The following STS variants were observed in gnomAD, a reference collection of about 807,000 sequenced individuals.
STS encodes the protein steryl-sulfatase.
A neutral mutation model predicts 26.8 loss-of-function variants in STS; 7 were observed. That is an observed-to-expected ratio of 0.26 (90% CI 0.15 to 0.49). STS has a LOEUF of 0.49. Ranked by LOEUF, STS falls within the 20% of genes least tolerant of loss-of-function variation. The pLI, the probability that STS is intolerant of heterozygous loss-of-function variation, is 0.98. For synonymous variants in STS, 199 were observed against 189.4 expected, an observed-to-expected ratio of 1.05 and a Z score of -0.42; for missense variants, 434 against 465.6, an observed-to-expected ratio of 0.93 and a Z score of 0.63.
chrX:7,284,177 G>A (rs1925013789), intron 7 of STS, among the ~76,000 whole-genome samples: 2 of 111,862 alleles, frequency 1.8e-5, no homozygotes, highest in African/African-American at 6.5e-5. Flanking sequence ...AACCATTATG[G>A]ACTGCTCATT....
At chrX:7,150,500 C>T (rs185383470) in intron 1 of STS, among the ~76,000 whole-genome samples, 8 of 111,526 alleles carry the variant, frequency 7.2e-5, no homozygotes, top group East Asian at 5.7e-4. Flanking sequence ...GAATTACAGA[C>T]GTGAGCCACC....
chrX:7,278,593 C>T (rs1305036229), intron 7 of STS, among the ~76,000 whole-genome samples: 1 of 112,290 alleles, frequency 8.9e-6, no homozygotes, highest in East Asian at 2.8e-4. Context: ...TTATTCTTAG[C>T]TGAGTGAGTG....
At chrX:7,240,954 C>G (rs1296011538) in intron 2 of STS, among the ~76,000 whole-genome samples, 1 of 111,112 alleles carries the variant, frequency 9.0e-6, no homozygotes, top group Non-Finnish European at 1.9e-5. Flanking sequence ...TTCATCACTT[C>G]TGGATAAAGA....
chrX:7,340,276 G>A (rs1028130397), intron 10 of STS, among the ~76,000 whole-genome samples: 1 of 111,101 alleles, frequency 9.0e-6, no homozygotes, highest in Non-Finnish European at 1.9e-5. Context: ...CAGTTCTCCC[G>A]AAATGTCTGC....
chrX:7,216,021 A>G (rs750352374), intron 2 of STS, among the ~76,000 whole-genome samples: 1 of 112,162 alleles, frequency 8.9e-6, no homozygotes, highest in South Asian at 3.7e-4. Flanking sequence ...TCCACAGCAG[A>G]GGAACCAGAG....
At chrX:7,310,689 A>G (rs981282488) in intron 8 of STS, among the ~76,000 whole-genome samples, 8 of 111,118 alleles carry the variant, frequency 7.2e-5, no homozygotes, top group African/African-American at 1.6e-4. Flanking sequence ...CACCTGATCC[A>G]CCTCTCAATG....
At chrX:7,147,681 A>G (rs1265890169), upstream of STS, among the ~76,000 whole-genome samples, 1 of 112,080 alleles carries the variant, frequency 8.9e-6, no homozygotes, top group Non-Finnish European at 1.9e-5. Context: ...TGCGTAACCG[A>G]AAAGAGAGCG....
intron 2 of STS, among the ~76,000 whole-genome samples, chrX:7,205,562 G>C (rs1934199902): frequency 9.1e-6 from 1 of 109,515 alleles, no homozygotes; most frequent in Non-Finnish European, 1.9e-5. Context: ...GTATAAAACT[G>C]TAGGTTGGAA....
intron 8 of STS, among the ~76,000 whole-genome samples, chrX:7,309,212 T>TA (rs1378030900): frequency 1.8e-5 from 2 of 111,603 alleles, no homozygotes; most frequent in Admixed American, 9.5e-5. Flanking sequence ...TGTGAAGCCA[T>TA]AAAAAAGAAT....
intron 2 of STS, among the ~76,000 whole-genome samples, chrX:7,231,654 A>C (rs1395255500): frequency 1.8e-5 from 2 of 111,162 alleles, no homozygotes; most frequent in Non-Finnish European, 3.8e-5. Context: ...GAAAATTGCA[A>C]GTTATCTCAC....
At chrX:7,258,105 C>CAGATAG (rs370192237) in intron 5 of STS, among the ~76,000 whole-genome samples, 4 of 92,690 alleles carry the variant, frequency 4.3e-5, no homozygotes, top group African/African-American at 1.6e-4. Context: ...GAAAAACAGA[C>CAGATAG]ATAGATAGAT....
chrX:7,314,848 A>G (rs1926643931), intron 8 of STS, among the ~76,000 whole-genome samples: 2 of 112,199 alleles, frequency 1.8e-5, no homozygotes, highest in South Asian at 7.3e-4. Context: ...GGATGTGGCC[A>G]CGGTGGGTAA....
chrX:7,312,168 A>C (rs990164041), intron 8 of STS, among the ~76,000 whole-genome samples: 1 of 111,330 alleles, frequency 9.0e-6, no homozygotes, highest in African/African-American at 3.3e-5. Context: ...CAACCCCTTC[A>C]TCTTGTTCCC....
chrX:7,197,893 A>T (rs1465815173), intron 2 of STS, among the ~76,000 whole-genome samples: 1 of 111,936 alleles, frequency 8.9e-6, no homozygotes, highest in Non-Finnish European at 1.9e-5. Flanking sequence ...GCCTTAGTAG[A>T]TGTTTAGTAA....
chrX:7,289,677 G>A (rs1398563311), intron 7 of STS, among the ~76,000 whole-genome samples: 1 of 110,991 alleles, frequency 9.0e-6, no homozygotes, highest in Non-Finnish European at 1.9e-5. Flanking sequence ...TTTTCCTTAA[G>A]AGATGAGGTC....
At chrX:7,264,606 G>A (rs1923912833) in intron 6 of STS, among the ~76,000 whole-genome samples, 1 of 112,289 alleles carries the variant, frequency 8.9e-6, no homozygotes, top group Middle Eastern at 4.2e-3. Flanking sequence ...CTCAGACTTT[G>A]CATAAGGAAA....
intron 2 of STS, among the ~76,000 whole-genome samples, chrX:7,222,957 A>G (rs1921638875): frequency 9.0e-6 from 1 of 111,511 alleles, no homozygotes; most frequent in Admixed American, 9.6e-5. Flanking sequence ...TAGTATATCC[A>G]TGTCTATCCA....
chrX:7,157,910 G>A (rs1271167769), intron 1 of STS, among the ~76,000 whole-genome samples: 1 of 111,664 alleles, frequency 9.0e-6, no homozygotes, highest in East Asian at 2.8e-4. Context: ...ATCATGAAAT[G>A]AGATGGAAAA....
intron 2 of STS, among the ~76,000 whole-genome samples, chrX:7,240,826 G>T (rs1922581657): frequency 9.1e-6 from 1 of 109,311 alleles, no homozygotes; most frequent in South Asian, 4.0e-4. Context: ...GGGGGTTATG[G>T]CCATTGTCGT....
Sources: gnomAD v4.1 joint callset for allele counts (sites outside exome capture counted in the v4.1 genomes callset) on GRCh38, gnomAD v4.1.1 for gene constraint, MANE v1.5 for transcripts, NCBI Gene and HGNC (gene_info 2026-07-23, HGNC 2026-07-21) for gene names.